The following SHISA6 variants were observed in gnomAD, a reference collection of about 807,000 sequenced individuals.
The protein encoded by SHISA6 is shisa family member 6.
Under a neutral mutation model 47.9 loss-of-function variants are expected in SHISA6, and 22 were observed. The ratio of observed to expected loss-of-function variants is 0.46; its 90% CI spans 0.33 to 0.66. The LOEUF (loss-of-function observed/expected upper bound fraction) is 0.66. Ranked by LOEUF, SHISA6 falls within the 30% of genes least tolerant of loss-of-function variation. The probability of loss-of-function intolerance (pLI) is 0.02; values close to 1 mark genes in which losing one functional copy is unlikely to be tolerated. For missense variants in SHISA6, 680 were observed against 764.6 expected (o/e 0.89, Z 1.30); for synonymous variants, 388 against 337.8 (o/e 1.15, Z -1.63).
intron 2 of SHISA6, among the ~76,000 whole-genome samples, chr17:11,281,863 T>C (rs1410920259): frequency 6.6e-6 from 1 of 152,232 alleles, no homozygotes; most frequent in Non-Finnish European, 1.5e-5. Flanking sequence ...AAAAAGTACT[T>C]GAAAACATCA....
chr17:11,440,965 C>T (rs773202553), intron 3 of SHISA6, among the ~76,000 whole-genome samples: 21 of 151,662 alleles, frequency 1.4e-4, no homozygotes, highest in Non-Finnish European at 2.6e-4. Context: ...AAGGTAAAGA[C>T]TTGGTGAAGT....
At chr17:11,432,270 T>C (rs1914800749) in intron 3 of SHISA6, among the ~76,000 whole-genome samples, 1 of 152,180 alleles carries the variant, frequency 6.6e-6, no homozygotes, top group African/African-American at 2.4e-5. Context: ...GCTTTTCTCT[T>C]GCAACTCTCA....
chr17:11,405,407 TA>T (rs5819315), intron 3 of SHISA6, among the ~76,000 whole-genome samples: 79,706 of 151,504 alleles, frequency 0.53, 21,977 homozygotes, highest in African/African-American at 0.66. Flanking sequence ...CTGGGGAACT[TA>T]AAAAAAAATC....
chr17:11,368,672 T>A (rs891451050), intron 2 of SHISA6, among the ~76,000 whole-genome samples: 1 of 152,196 alleles, frequency 6.6e-6, no homozygotes, highest in East Asian at 1.9e-4. Flanking sequence ...TTATTTATTT[T>A]TTGAGACAGA....
At chr17:11,468,858 T>C (rs1244302982) in intron 3 of SHISA6, among the ~76,000 whole-genome samples, 1 of 151,092 alleles carries the variant, frequency 6.6e-6, no homozygotes, top group Non-Finnish European at 1.5e-5. Flanking sequence ...CCATTTCTAC[T>C]AAAAATACAA....
At chr17:11,300,186 A>G (rs560639828) in intron 2 of SHISA6, among the ~76,000 whole-genome samples, 2 of 151,948 alleles carry the variant, frequency 1.3e-5, no homozygotes, top group Non-Finnish European at 2.9e-5. Context: ...AAAAAAGAAA[A>G]AAAGAAAGGC....
At chr17:11,288,928 G>C (rs1347006630) in intron 2 of SHISA6, 23 of 152,138 alleles carry the variant, frequency 1.5e-4, no homozygotes, top group Admixed American at 1.5e-3. Flanking sequence ...GAGTGGAAAT[G>C]GTTCTTTGTG....
intron 4 of SHISA6, 43 bp downstream of exon 4, chr17:11,551,995 G>C (rs1203519523): frequency 6.5e-7 from 1 of 1,536,634 alleles, no homozygotes; most frequent in Non-Finnish European, 8.8e-7. Flanking sequence ...TCCTTATTTC[G>C]AGTGGCACCA....
intron 2 of SHISA6, among the ~76,000 whole-genome samples, chr17:11,309,443 G>A (rs1355740458): frequency 6.6e-6 from 1 of 152,212 alleles, no homozygotes; most frequent in Non-Finnish European, 1.5e-5. Flanking sequence ...CATCTTATCA[G>A]TGACCAATCT....
chr17:11,297,930 G>A (rs1324119238), intron 2 of SHISA6, among the ~76,000 whole-genome samples: 1 of 152,188 alleles, frequency 6.6e-6, no homozygotes, highest in Non-Finnish European at 1.5e-5. Context: ...TGGAGGACGA[G>A]AAAGTTCCCA....
At chr17:11,463,742 C>T (rs530549024) in intron 3 of SHISA6, among the ~76,000 whole-genome samples, 23 of 152,248 alleles carry the variant, frequency 1.5e-4, no homozygotes, top group South Asian at 6.2e-4. Flanking sequence ...GGTACAAGTA[C>T]GCAGTCAATT....
At chr17:11,267,621 A>G (rs953387081) in intron 2 of SHISA6, among the ~76,000 whole-genome samples, 5 of 152,228 alleles carry the variant, frequency 3.3e-5, no homozygotes, top group African/African-American at 1.2e-4. Flanking sequence ...CTGAGCTCTT[A>G]AAGTTTTGAG....
intron 2 of SHISA6, among the ~76,000 whole-genome samples, chr17:11,274,352 A>G (rs1377138498): frequency 6.6e-6 from 1 of 152,210 alleles, no homozygotes; most frequent in Non-Finnish European, 1.5e-5. Context: ...CAAAGCACGG[A>G]GGACAGGGTT....
At chr17:11,260,735 C>T (rs1045164734) in intron 1 of SHISA6, among the ~76,000 whole-genome samples, 3 of 151,946 alleles carry the variant, frequency 2.0e-5, no homozygotes, top group African/African-American at 7.3e-5. Context: ...CAGACCCCCT[C>T]TCACTCTCCT....
chr17:11,468,448 C>T (rs1915861317), intron 3 of SHISA6, among the ~76,000 whole-genome samples: 1 of 152,006 alleles, frequency 6.6e-6, no homozygotes, highest in South Asian at 2.1e-4. Flanking sequence ...AAGTGGGCTA[C>T]TGTGCCTGAT....
At chr17:11,383,237 C>T (rs189976377) in intron 3 of SHISA6, among the ~76,000 whole-genome samples, 1 of 152,252 alleles carries the variant, frequency 6.6e-6, no homozygotes, top group East Asian at 1.9e-4. Context: ...CATGCCCAGC[C>T]CTGTCAGCCC....
chr17:11,409,315 G>A (rs1914048078), intron 3 of SHISA6, among the ~76,000 whole-genome samples: 1 of 152,142 alleles, frequency 6.6e-6, no homozygotes, highest in African/African-American at 2.4e-5. Flanking sequence ...CAAAATTGGG[G>A]TATGGACTCA....
chr17:11,367,862 C>T (rs1355514439), intron 2 of SHISA6, among the ~76,000 whole-genome samples: 1 of 152,168 alleles, frequency 6.6e-6, no homozygotes, highest in Non-Finnish European at 1.5e-5. Flanking sequence ...TTTAGCCCCT[C>T]AAATTTTCTC....
chr17:11,323,669 A>AAATAATAATAATAAT (rs60694925), intron 2 of SHISA6, among the ~76,000 whole-genome samples: 31 of 132,058 alleles, frequency 2.3e-4, no homozygotes, highest in African/African-American at 7.4e-4. Context: ...TAAATAAATA[A>AAATAATAATAATAAT]AATAATAATA....
Sources: allele counts gnomAD v4.1 joint callset (sites outside exome capture counted in the v4.1 genomes callset), GRCh38; gene constraint gnomAD v4.1.1; transcripts MANE v1.5; gene names NCBI Gene and HGNC (gene_info 2026-07-23, HGNC 2026-07-21).